Variants in ZFYVE28 observed in about 807,000 individuals in gnomAD.
ZFYVE28 encodes the protein zinc finger FYVE-type containing 28, also known as lateral signaling target protein 2 homolog.
In ZFYVE28, 40 loss-of-function variants were observed where a neutral mutation model predicts 82.1. That is an observed-to-expected ratio of 0.49 (90% CI 0.38 to 0.63). ZFYVE28 has a LOEUF of 0.63. ZFYVE28 is among the 30% of genes least tolerant of loss of function. ZFYVE28 has a pLI of 0.00. For missense variants in ZFYVE28, 1,321 were observed against 1,242.1 expected (o/e 1.06, Z -0.96); for synonymous variants, 612 against 546.1 (o/e 1.12, Z -1.68).
chr4:2,389,812 C>T (rs1433504720), intron 1 of ZFYVE28, among the ~76,000 whole-genome samples: 3 of 152,146 alleles, frequency 2.0e-5, no homozygotes, highest in Non-Finnish European at 2.9e-5. Context: ...AGGGAGTGGC[C>T]TGCTGCTAGC....
chr4:2,329,048 T>C, intron 6 of ZFYVE28: 4 of 691,314 alleles, frequency 5.8e-6, no homozygotes, highest in South Asian at 3.0e-5. Flanking sequence ...TCAGGACGTA[T>C]GAATCTTCCA....
At chr4:2,277,128 G>C (rs1455671285) in intron 8 of ZFYVE28, among the ~76,000 whole-genome samples, 1 of 152,250 alleles carries the variant, frequency 6.6e-6, no homozygotes, top group Non-Finnish European at 1.5e-5. Flanking sequence ...CCACTGAACT[G>C]TGTGATTTAG....
At chr4:2,294,645 G>C (rs7660280) in intron 8 of ZFYVE28, among the ~76,000 whole-genome samples, 13,068 of 152,148 alleles carry the variant, frequency 0.086, 1,353 homozygotes, top group African/African-American at 0.24. Flanking sequence ...GATACTGTTA[G>C]AATGAAAAGA....
chr4:2,350,221 T>C (rs1352731417), intron 2 of ZFYVE28, among the ~76,000 whole-genome samples: 15 of 152,154 alleles, frequency 9.9e-5, no homozygotes, highest in Admixed American at 9.2e-4. Context: ...TCCCAGCACT[T>C]TGGGAGGCCG....
rs1435592452 is a variant in ZFYVE28, at chr4:2,330,555, CAGCATGGAGAATGGGAT to C, written c.701+5133_701+5149del. ...GGAAGGGACAGCATGGAGGAGGGGA[CAGCATGGAGAATGGGAT>C]AGCATGGAGAATGGGATAGCATAGA... is the stretch of plus-strand genomic sequence containing the variant. On this transcript the variant is annotated intron_variant, in intron 6 of 12. Transcript: ENST00000290974. 153 of 1,165,726 alleles carry C rather than the reference CAGCATGGAGAATGGGAT, an allele frequency of 1.3e-4. No homozygotes were observed. The African/African-American group carries it at 1.6e-3, about 12-fold the overall frequency. 72.2% of individuals were successfully genotyped at this position (1,165,726 alleles called of 1,614,324 possible).
At chr4:2,324,513 G>A (rs193188417) in intron 6 of ZFYVE28, 8 of 183,670 alleles carry the variant, frequency 4.4e-5, no homozygotes, top group African/African-American at 7.1e-5. Flanking sequence ...ATTTGAAGGC[G>A]CTTTTGAGGT....
chr4:2,389,562 T>A (rs1438336614), intron 1 of ZFYVE28, among the ~76,000 whole-genome samples: 1 of 152,166 alleles, frequency 6.6e-6, no homozygotes, highest in Non-Finnish European at 1.5e-5. Context: ...TCTGATAGAT[T>A]AGGGACAAGC....
intron 7 of ZFYVE28, among the ~76,000 whole-genome samples, chr4:2,317,925 G>A (rs1174950236): frequency 3.3e-5 from 5 of 152,156 alleles, no homozygotes; most frequent in South Asian, 2.1e-4. Flanking sequence ...GAGCCACCGC[G>A]CCGGCCTCAA....
At chr4:2,286,690 A>G (rs1339398253) in intron 8 of ZFYVE28, 2 of 152,222 alleles carry the variant, frequency 1.3e-5, no homozygotes, top group African/African-American at 4.8e-5. Context: ...CAGTTCACCT[A>G]TGCCAGGTGG....
Position 2,320,070 on chromosome 4 carries a change from G to C in ZFYVE28, c.803+100C>G, listed in dbSNP as rs894028398. On this transcript the variant is annotated intron_variant, in intron 7 of 12. Transcript: ENST00000290974. This position sits in a 1 kb window ranked among gnomAD's most constrained non-coding sequence, Gnocchi z 5.1. Reference sequence around the variant, plus strand: ...ACCAGCCCATCCTTCCTCACAGAGAGGAGGAGGACCTGGAGGCGGCGGCTA... The same window carrying C: ...ACCAGCCCATCCTTCCTCACAGAGACGAGGAGGACCTGGAGGCGGCGGCTA... 1.8e-6 allele frequency: 2 copies of C among 1,092,768 alleles called. No individual in the cohort carries two copies. The allele number at this position is 1,092,768 out of a possible 1,614,324, so 67.7% of individuals were successfully genotyped here.
intron 1 of ZFYVE28, among the ~76,000 whole-genome samples, chr4:2,395,426 C>T (rs2108928691): frequency 6.6e-6 from 1 of 152,368 alleles, no homozygotes; most frequent in Middle Eastern, 3.4e-3. Flanking sequence ...TAGGCCCCTT[C>T]ATAAGCCCCA....
At chr4:2,398,177 T>C (rs971681039) in intron 1 of ZFYVE28, among the ~76,000 whole-genome samples, 7 of 152,092 alleles carry the variant, frequency 4.6e-5, no homozygotes, top group Admixed American at 6.5e-5. Flanking sequence ...TGCCAGTGGA[T>C]GGCCTGGCTC....
chr4:2,412,960 C>A (rs183433291), intron 1 of ZFYVE28, among the ~76,000 whole-genome samples: 1 of 151,764 alleles, frequency 6.6e-6, no homozygotes, highest in Non-Finnish European at 1.5e-5. Flanking sequence ...GTGAAGCTCT[C>A]GACTCTCTGC....
At chr4:2,355,940 A>T (rs1290599914) in intron 1 of ZFYVE28, among the ~76,000 whole-genome samples, 2 of 152,218 alleles carry the variant, frequency 1.3e-5, no homozygotes, top group Non-Finnish European at 2.9e-5. Flanking sequence ...GGAGAGGAGA[A>T]TATACCAAAT....
intron 7 of ZFYVE28, among the ~76,000 whole-genome samples, chr4:2,315,396 G>C (rs140647446): frequency 6.6e-6 from 1 of 151,864 alleles, no homozygotes; most frequent in Admixed American, 6.6e-5. Flanking sequence ...AGTGATTCTC[G>C]TGTCTCAGCT....
intron 6 of ZFYVE28, chr4:2,330,599 G>T: frequency 7.8e-7 from 1 of 1,286,036 alleles, no homozygotes; most frequent in South Asian, 1.7e-5. Flanking sequence ...TAGCATAGAG[G>T]AGGGAACAGC....
intron 8 of ZFYVE28, among the ~76,000 whole-genome samples, chr4:2,284,892 G>A (rs903133893): frequency 1.3e-5 from 2 of 152,218 alleles, no homozygotes; most frequent in Non-Finnish European, 2.9e-5. Context: ...AGTACGGCAA[G>A]GATTTAGCAG....
intron 8 of ZFYVE28, among the ~76,000 whole-genome samples, chr4:2,281,548 A>G (rs907403789): frequency 4.6e-5 from 7 of 152,150 alleles, no homozygotes; most frequent in Non-Finnish European, 8.8e-5. Context: ...CACCCTTTAT[A>G]AGGACCCCAC....
chr4:2,302,541 C>T (rs535614807), intron 8 of ZFYVE28, among the ~76,000 whole-genome samples: 8 of 152,368 alleles, frequency 5.3e-5, no homozygotes, highest in African/African-American at 1.9e-4. Context: ...TGGATGCCAA[C>T]TGCAGCCACG....
Sources: gnomAD v4.1 joint callset for allele counts (sites outside exome capture counted in the v4.1 genomes callset) on GRCh38, gnomAD v4.1.1 for gene constraint, Gnocchi (gnomAD v3.1) non-coding constraint, MANE v1.5 for transcripts, NCBI Gene and HGNC (gene_info 2026-07-23, HGNC 2026-07-21) for gene names.